PRKAR1A: variants seen among roughly 807,000 people sequenced by gnomAD.
PRKAR1A encodes cAMP-dependent protein kinase type I-alpha regulatory subunit.
PRKAR1A carries 3 observed loss-of-function variants against 52.0 expected under a neutral mutation model. That is an observed-to-expected ratio of 0.06 (90% CI 0.03 to 0.15). PRKAR1A has a LOEUF of 0.15. Among genes scored for constraint, PRKAR1A ranks in the 10% least tolerant of loss-of-function variants. The probability of loss-of-function intolerance (pLI) is 1.00; values close to 1 mark genes in which losing one functional copy is unlikely to be tolerated. For missense variants in PRKAR1A, 240 were observed against 477.4 expected (o/e 0.50, Z 4.63); for synonymous variants, 188 against 168.4 (o/e 1.12, Z -0.90).
the PRKAR1A span, among the ~76,000 whole-genome samples, chr17:68,499,696 G>A: frequency 1.3e-5 from 2 of 152,352 alleles, no homozygotes; most frequent in African/African-American, 4.8e-5. Context: ...GTATACAGAG[G>A]AGAATTGCTT....
the PRKAR1A span, among the ~76,000 whole-genome samples, chr17:68,490,640 G>T: frequency 4.4e-3 from 672 of 152,098 alleles, 6 homozygotes; most frequent in African/African-American, 0.015. Flanking sequence ...CCAGTTTTGG[G>T]GATGCATCTG....
intron 5 of PRKAR1A, 78 bp from the exon 6 acceptor site, chr17:68,524,834 G>A: frequency 8.4e-7 from 1 of 1,188,156 alleles, no homozygotes; most frequent in Non-Finnish European, 1.3e-6. Flanking sequence ...TGTAAAATAA[G>A]TTTATTGTTT....
At chr17:68,447,184 C>T in the PRKAR1A span, among the ~76,000 whole-genome samples, 1 of 152,116 alleles carries the variant, frequency 6.6e-6, no homozygotes, top group Non-Finnish European at 1.5e-5. Context: ...AGGCTTCGAG[C>T]CAATCAGCCT....
chr17:68,487,803 CAA>C, the PRKAR1A span, among the ~76,000 whole-genome samples: 3 of 121,580 alleles, frequency 2.5e-5, no homozygotes. Flanking sequence ...TCATCTCAGA[CAA>C]AAAAAAAAAA....
intron 11 of PRKAR1A, among the ~76,000 whole-genome samples, chr17:68,539,679 C>T (rs1315132811): frequency 1.3e-5 from 2 of 152,226 alleles, no homozygotes; most frequent in Admixed American, 6.5e-5. Flanking sequence ...AGAGGGCACA[C>T]GAGTGCTCTC....
chr17:68,535,193 G>GA, downstream of PRKAR1A: 1 of 444,428 alleles, frequency 2.3e-6, no homozygotes, highest in Non-Finnish European at 4.5e-6. Flanking sequence ...GAGTAAGAAT[G>GA]AAACGGTTGG....
chr17:68,493,582 T>C, the PRKAR1A span: 1 of 143,904 alleles, frequency 6.9e-6, no homozygotes, highest in Non-Finnish European at 1.5e-5. Context: ...GCCAAAGATA[T>C]TTTTCAACTT....
chr17:68,475,197 A>T, the PRKAR1A span, among the ~76,000 whole-genome samples: 2 of 152,214 alleles, frequency 1.3e-5, no homozygotes, highest in Non-Finnish European at 2.9e-5. Flanking sequence ...AACCTAATAA[A>T]AAAAATCTAC....
At chr17:68,544,705 G>A (rs1169925015) in intron 11 of PRKAR1A, among the ~76,000 whole-genome samples, 1 of 151,002 alleles carries the variant, frequency 6.6e-6, no homozygotes, top group Non-Finnish European at 1.5e-5. Flanking sequence ...TGCAGCCACC[G>A]TTACAGCACA....
chr17:68,516,467 ATCATATACCAAAAGAAATGAT>A (rs992697962), intron 2 of PRKAR1A, among the ~76,000 whole-genome samples: 1 of 152,120 alleles, frequency 6.6e-6, no homozygotes, highest in Non-Finnish European at 1.5e-5. Context: ...ATTGAAATGA[ATCATATACCAAAAGAAATGAT>A]TCATATACCA....
At chr17:68,522,611 C>T (rs2085650696) in intron 2 of PRKAR1A, 145 bp from the exon 3 acceptor site, 1 of 860,152 alleles carries the variant, frequency 1.2e-6, no homozygotes, top group Non-Finnish European at 1.9e-6. Context: ...TTTTTTTCCC[C>T]TTTGGAATTG....
downstream of PRKAR1A, chr17:68,536,734 C>T (rs948308864): frequency 1.8e-5 from 8 of 452,562 alleles, no homozygotes; most frequent in East Asian, 4.9e-4. Context: ...GAGGACTTTC[C>T]TTTTTTTTTC....
chr17:68,537,028 G>T (rs1339617471), downstream of PRKAR1A: 1 of 455,802 alleles, frequency 2.2e-6, no homozygotes, highest in Admixed American at 2.3e-5. The surrounding 1 kb of genome is among the most constrained non-coding windows in gnomAD (Gnocchi z 4.2). Context: ...CCAAAGTGCA[G>T]ATTTTTAGTC....
the PRKAR1A span, among the ~76,000 whole-genome samples, chr17:68,476,297 T>C: frequency 2.6e-5 from 4 of 152,242 alleles, no homozygotes; most frequent in South Asian, 8.3e-4. Context: ...GAAGTTGTCA[T>C]ATTCTATTTG....
chr17:68,515,631 T>C, intron 2 of PRKAR1A, 55 bp downstream of exon 2: 2 of 1,534,314 alleles, frequency 1.3e-6, no homozygotes, highest in Admixed American at 1.8e-5. Flanking sequence ...TTACATTTAA[T>C]AACTGGAATG....
At chr17:68,513,480 G>T (rs2085336622) in intron 1 of PRKAR1A, among the ~76,000 whole-genome samples, 1 of 152,222 alleles carries the variant, frequency 6.6e-6, no homozygotes, top group African/African-American at 2.4e-5. Flanking sequence ...TTCCCAGAAT[G>T]TAATCCTTTC....
chr17:68,548,539 A>C (rs1206058595), intron 11 of PRKAR1A, among the ~76,000 whole-genome samples: 1 of 151,840 alleles, frequency 6.6e-6, no homozygotes, highest in East Asian at 1.9e-4. Context: ...CAAAAAAAAA[A>C]AGTTTGAAAT....
At position 68,532,539 on chromosome 17, in the gene PRKAR1A, TA is replaced by T; in HGVS notation, c.*2092del. On this transcript the variant is annotated 3_prime_UTR_variant, in exon 11 of 11. Coordinates refer to ENST00000589228, the MANE Select transcript of PRKAR1A (RefSeq NM_002734.5). Reference sequence around the variant, plus strand: ...TATATGTGAGAAATCAGAATTGGCATAATTTGTCTTAGTTGATATTCAAGGC... The same window carrying T: ...TATATGTGAGAAATCAGAATTGGCATATTTGTCTTAGTTGATATTCAAGGC... 9.4e-7 allele frequency: 1 copy of T among 1,065,474 alleles called. No individual in the cohort carries two copies. The highest frequency in any genetic ancestry group is 1.1e-6 in the Non-Finnish European group (1 of 879,044). 66.0% of individuals were successfully genotyped at this position (1,065,474 alleles called of 1,614,324 possible).
At chr17:68,457,711 C>A in the PRKAR1A span, among the ~76,000 whole-genome samples, 15 of 152,292 alleles carry the variant, frequency 9.8e-5, no homozygotes, top group Non-Finnish European at 1.9e-4. Flanking sequence ...CGAGCCCAAG[C>A]CACGGCTGGC....
Sources: gnomAD v4.1 joint callset for allele counts (sites outside exome capture counted in the v4.1 genomes callset) on GRCh38, gnomAD v4.1.1 for gene constraint, Gnocchi (gnomAD v3.1) non-coding constraint, MANE v1.5 for transcripts, NCBI Gene and HGNC (gene_info 2026-07-23, HGNC 2026-07-21) for gene names.